RPSA2: variants seen among roughly 807,000 people sequenced by gnomAD.
RPSA2 encodes the protein ribosomal protein SA 2.
At chr19:23,763,545 G>C in the RPSA2 span, among the ~76,000 whole-genome samples, 1 of 152,144 alleles carries the variant, frequency 6.6e-6, no homozygotes, top group Non-Finnish European at 1.5e-5. Flanking sequence ...GCGTGTTCAC[G>C]GCAACCTCCG....
the RPSA2 span, among the ~76,000 whole-genome samples, chr19:23,798,645 T>G: frequency 6.6e-6 from 1 of 151,844 alleles, no homozygotes; most frequent in Non-Finnish European, 1.5e-5. Context: ...TATGTTAAAA[T>G]TATTCCTACT....
At chr19:23,859,101 A>G in the RPSA2 span, among the ~76,000 whole-genome samples, 1 of 152,326 alleles carries the variant, frequency 6.6e-6, no homozygotes, top group East Asian at 1.9e-4. Context: ...GATGTATCTC[A>G]GGTATTTACC....
the RPSA2 span, among the ~76,000 whole-genome samples, chr19:23,852,663 A>G: frequency 6.6e-6 from 1 of 152,082 alleles, no homozygotes; most frequent in Non-Finnish European, 1.5e-5. Context: ...ATTCCCATAA[A>G]CCCACATCCT....
At chr19:23,820,019 G>A in the RPSA2 span, among the ~76,000 whole-genome samples, 2 of 152,094 alleles carry the variant, frequency 1.3e-5, no homozygotes, top group South Asian at 2.1e-4. Flanking sequence ...GTTACTTCTC[G>A]TGCTTTCTCA....
chr19:23,836,861 C>G, the RPSA2 span, among the ~76,000 whole-genome samples: 1 of 151,944 alleles, frequency 6.6e-6, no homozygotes, highest in South Asian at 2.1e-4. Context: ...GATTTGAGTT[C>G]ATTACAGATT....
At chr19:23,832,852 A>G in the RPSA2 span, 1 of 1,580,578 alleles carries the variant, frequency 6.3e-7, no homozygotes, top group Non-Finnish European at 8.6e-7. Flanking sequence ...AACCCTTACT[A>G]CACATAAGAG....
the RPSA2 span, among the ~76,000 whole-genome samples, chr19:23,861,384 C>T: frequency 2.6e-5 from 4 of 151,930 alleles, no homozygotes; most frequent in East Asian, 1.9e-4. Context: ...ATAAGAGAGC[C>T]CCCCCACTAC....
chr19:23,838,154 C>A, the RPSA2 span, among the ~76,000 whole-genome samples: 2 of 151,936 alleles, frequency 1.3e-5, no homozygotes, highest in Admixed American at 1.3e-4. Context: ...AATTATAAAG[C>A]GATGTTGGAT....
chr19:23,827,732 C>T, the RPSA2 span: 21 of 1,580,998 alleles, frequency 1.3e-5, no homozygotes, highest in East Asian at 8.9e-5. Flanking sequence ...CACCATTTCC[C>T]GTGAACACCC....
chr19:23,811,006 C>CTTTT, the RPSA2 span, among the ~76,000 whole-genome samples: 1 of 130,438 alleles, frequency 7.7e-6, no homozygotes. Context: ...CTTAAAGGCA[C>CTTTT]TTTTTTTTTT....
At chr19:23,840,834 T>A in the RPSA2 span, among the ~76,000 whole-genome samples, 1 of 151,596 alleles carries the variant, frequency 6.6e-6, no homozygotes, top group Admixed American at 6.6e-5. Flanking sequence ...CTGTGGCACG[T>A]GCCTGTAATC....
chr19:23,808,501 G>C, the RPSA2 span, among the ~76,000 whole-genome samples: 1 of 151,880 alleles, frequency 6.6e-6, no homozygotes. Flanking sequence ...TCCCGACCTC[G>C]TGATCCCAGC....
At chr19:23,793,275 G>C in the RPSA2 span, among the ~76,000 whole-genome samples, 2 of 146,202 alleles carry the variant, frequency 1.4e-5, no homozygotes, top group African/African-American at 5.1e-5. Context: ...GAATTTTATT[G>C]ATCACAGCTG....
chr19:23,791,057 G>A, the RPSA2 span, among the ~76,000 whole-genome samples: 17 of 152,218 alleles, frequency 1.1e-4, no homozygotes, highest in African/African-American at 4.1e-4. Context: ...CCCAGATTGT[G>A]CAGGGACCAC....
the RPSA2 span, among the ~76,000 whole-genome samples, chr19:23,835,543 T>C: frequency 6.6e-6 from 1 of 152,204 alleles, no homozygotes; most frequent in African/African-American, 2.4e-5. Context: ...AATCTCCCCA[T>C]GCAAATTCTC....
the RPSA2 span, among the ~76,000 whole-genome samples, chr19:23,823,418 C>G: frequency 6.6e-6 from 1 of 152,178 alleles, no homozygotes; most frequent in African/African-American, 2.4e-5. Flanking sequence ...TGGATTGCCA[C>G]TAGTCCCGGT....
the RPSA2 span, among the ~76,000 whole-genome samples, chr19:23,833,512 T>C: frequency 6.6e-6 from 1 of 152,106 alleles, no homozygotes; most frequent in Admixed American, 6.5e-5. Flanking sequence ...ATTGTCACAC[T>C]TGATTGTAGG....
At chr19:23,758,661 G>T in the RPSA2 span, 6 of 1,605,772 alleles carry the variant, frequency 3.7e-6, no homozygotes, top group African/African-American at 6.7e-5. Context: ...AACTCAGGGC[G>T]CAAATTGTGG....
At chr19:23,792,645 G>T in the RPSA2 span, among the ~76,000 whole-genome samples, 1 of 148,720 alleles carries the variant, frequency 6.7e-6, no homozygotes, top group African/African-American at 2.5e-5. Flanking sequence ...CTCCTGAGTA[G>T]CTGGAATTAC....
Sources: allele counts gnomAD v4.1 joint callset (sites outside exome capture counted in the v4.1 genomes callset), GRCh38; gene constraint gnomAD v4.1.1; transcripts MANE v1.5; gene names NCBI Gene and HGNC (gene_info 2026-07-23, HGNC 2026-07-21).